Variants in GRM8 observed in about 807,000 individuals in gnomAD.
The protein encoded by GRM8 is glutamate metabotropic receptor 8, also known as metabotropic glutamate receptor 8.
A neutral mutation model predicts 87.2 loss-of-function variants in GRM8; 47 were observed. The observed-to-expected ratio is 0.54, with a 90% CI of 0.43 to 0.69. The LOEUF is 0.69. Among genes scored for constraint, GRM8 ranks in the 30% least tolerant of loss-of-function variants. The pLI is 0.00. For missense variants in GRM8, 1,019 were observed against 1,139.2 expected (o/e 0.89, Z 1.52); for synonymous variants, 396 against 404.5 (o/e 0.98, Z 0.25).
intron 3 of GRM8, among the ~76,000 whole-genome samples, chr7:127,069,471 A>G (rs1253580802): frequency 7.1e-6 from 1 of 141,238 alleles, no homozygotes; most frequent in Non-Finnish European, 1.6e-5. Context: ...GCCAATAACA[A>G]ATATTTTAAT....
chr7:127,238,817 G>T (rs1173805842), intron 2 of GRM8, among the ~76,000 whole-genome samples: 1 of 152,200 alleles, frequency 6.6e-6, no homozygotes, highest in Non-Finnish European at 1.5e-5. Context: ...AGGGCCACCT[G>T]TATTCCAGCA....
intron 7 of GRM8, among the ~76,000 whole-genome samples, chr7:126,686,018 G>C (rs1405174405): frequency 6.6e-6 from 1 of 151,710 alleles, no homozygotes; most frequent in Non-Finnish European, 1.5e-5. Flanking sequence ...CTCAAGCAGA[G>C]GACAGACAGA....
chr7:127,245,290 C>T (rs1315999999), intron 1 of GRM8, among the ~76,000 whole-genome samples: 1 of 152,208 alleles, frequency 6.6e-6, no homozygotes, highest in Non-Finnish European at 1.5e-5. Flanking sequence ...GAATTTGAGA[C>T]CAATTCCACG....
intron 6 of GRM8, among the ~76,000 whole-genome samples, chr7:126,864,034 C>CTTTT (rs35544185): frequency 7.6e-4 from 90 of 117,846 alleles, no homozygotes; most frequent in Middle Eastern, 6.3e-3. Flanking sequence ...CTATGTGTGG[C>CTTTT]TTTTTTTTTT....
intron 2 of GRM8, among the ~76,000 whole-genome samples, chr7:127,190,561 T>C (rs1587237534): frequency 6.6e-6 from 1 of 151,178 alleles, no homozygotes; most frequent in Middle Eastern, 3.5e-3. Context: ...AAAAAAAATG[T>C]CCTGCCCTCA....
At chr7:127,070,492 A>C (rs1356875869) in intron 3 of GRM8, among the ~76,000 whole-genome samples, 1 of 152,098 alleles carries the variant, frequency 6.6e-6, no homozygotes, top group African/African-American at 2.4e-5. Flanking sequence ...TTTCTGAAAT[A>C]ATGCATAGAA....
At chr7:126,897,944 G>A (rs1370370405) in intron 6 of GRM8, among the ~76,000 whole-genome samples, 1 of 152,090 alleles carries the variant, frequency 6.6e-6, no homozygotes, top group African/African-American at 2.4e-5. Flanking sequence ...TCTATCTCTG[G>A]AAAACTGGTA....
chr7:126,581,484 A>C (rs1795599372), intron 8 of GRM8, among the ~76,000 whole-genome samples: 1 of 152,142 alleles, frequency 6.6e-6, no homozygotes, highest in African/African-American at 2.4e-5. Context: ...GAGTCTCAGG[A>C]AATGAATAAG....
chr7:126,486,761 T>G (rs1807421107), intron 9 of GRM8, among the ~76,000 whole-genome samples: 1 of 152,110 alleles, frequency 6.6e-6, no homozygotes, highest in Non-Finnish European at 1.5e-5. Context: ...ATTATATGTT[T>G]AACAAGGAAT....
At chr7:127,154,459 T>G (rs1792599735) in intron 2 of GRM8, among the ~76,000 whole-genome samples, 1 of 152,024 alleles carries the variant, frequency 6.6e-6, no homozygotes, top group Non-Finnish European at 1.5e-5. Context: ...TTCCCACTCC[T>G]CCTCCTCAGA....
intron 7 of GRM8, among the ~76,000 whole-genome samples, chr7:126,695,005 C>T (rs1242990290): frequency 6.6e-6 from 1 of 152,166 alleles, no homozygotes; most frequent in African/African-American, 2.4e-5. Flanking sequence ...CATCCCCAGT[C>T]TTGCCTCATA....
chr7:126,467,602 A>G (rs1355754329), intron 9 of GRM8, among the ~76,000 whole-genome samples: 2 of 152,034 alleles, frequency 1.3e-5, no homozygotes, highest in African/African-American at 4.8e-5. Flanking sequence ...ATTTATAAGT[A>G]TAGTTAGTCT....
intron 7 of GRM8, among the ~76,000 whole-genome samples, chr7:126,767,757 T>C (rs1461839175): frequency 6.6e-6 from 1 of 152,016 alleles, no homozygotes; most frequent in East Asian, 1.9e-4. Flanking sequence ...TCACTGAAAA[T>C]CAACAGAATT....
chr7:126,793,692 G>C (rs950630808), intron 6 of GRM8, among the ~76,000 whole-genome samples: 17 of 152,164 alleles, frequency 1.1e-4, no homozygotes, highest in African/African-American at 3.9e-4. Context: ...AAAGAATTTA[G>C]ACAGGTTGAT....
chr7:126,754,320 T>A (rs1177146428), intron 7 of GRM8, among the ~76,000 whole-genome samples: 4 of 151,890 alleles, frequency 2.6e-5, no homozygotes, highest in African/African-American at 9.7e-5. Flanking sequence ...TGCAACAGTA[T>A]CATGCCTAAA....
chr7:126,725,997 A>T (rs1048018026), intron 7 of GRM8, among the ~76,000 whole-genome samples: 2 of 152,176 alleles, frequency 1.3e-5, no homozygotes, highest in African/African-American at 4.8e-5. Flanking sequence ...CTAACACTAG[A>T]GATTACATTT....
chr7:126,449,353 T>TG (rs1253580033), intron 9 of GRM8, among the ~76,000 whole-genome samples: 2 of 151,810 alleles, frequency 1.3e-5, no homozygotes, highest in Admixed American at 6.6e-5. Flanking sequence ...AGGGTGGGGT[T>TG]GGGGGTAATA....
chr7:126,488,149 A>T (rs1807587234), intron 9 of GRM8, among the ~76,000 whole-genome samples: 1 of 151,964 alleles, frequency 6.6e-6, no homozygotes, highest in Non-Finnish European at 1.5e-5. Flanking sequence ...TTGCTTTATC[A>T]ATAGCATTCA....
At chr7:127,127,536 G>A (rs995370695) in intron 2 of GRM8, among the ~76,000 whole-genome samples, 7 of 151,942 alleles carry the variant, frequency 4.6e-5, no homozygotes, top group Admixed American at 3.9e-4. Context: ...AATCCCAAAA[G>A]ATTACATACA....
Sources: gnomAD v4.1 joint callset for allele counts (sites outside exome capture counted in the v4.1 genomes callset) on GRCh38, gnomAD v4.1.1 for gene constraint, MANE v1.5 for transcripts, NCBI Gene and HGNC (gene_info 2026-07-23, HGNC 2026-07-21) for gene names.